Variants in SLC22A16 observed in about 807,000 individuals in gnomAD.
SLC22A16 encodes the protein WUGSC:RG331P03.1.
Under a neutral mutation model 52.9 loss-of-function variants are expected in SLC22A16, and 53 were observed. The ratio of observed to expected loss-of-function variants is 1.00; its 90% CI spans 0.80 to 1.26. The LOEUF is 1.26. SLC22A16 is among the 50% of genes most tolerant of loss of function. SLC22A16 has a pLI of 0.00. For synonymous variants in SLC22A16, 291 were observed against 268.8 expected (o/e 1.08, Z -0.81); for missense variants, 726 against 704.0 (o/e 1.03, Z -0.35).
intron 5 of SLC22A16, among the ~76,000 whole-genome samples, chr6:110,438,373 G>A (rs1014117877): frequency 6.6e-6 from 1 of 151,930 alleles, no homozygotes; most frequent in Admixed American, 6.6e-5. Flanking sequence ...CATCTAGGCT[G>A]GAGTACAGTG....
chr6:110,476,606 C>G lies in SLC22A16; in HGVS notation c.-32G>C, dbSNP rs560115204. On this transcript the variant is annotated 5_prime_UTR_variant, in exon 1 of 8. Transcript: ENST00000368919. Reference sequence around the variant, plus strand: ...GCCGTGCACTGGGCGCCGAGTTAGCCGAGCTCCGGGGACTGCGGGTAGCGC... The same window carrying G: ...GCCGTGCACTGGGCGCCGAGTTAGCGGAGCTCCGGGGACTGCGGGTAGCGC... The G allele has an allele frequency of 7.0e-5, 106 of 1,522,760 alleles. No individual in the cohort carries two copies. In the Middle Eastern group the frequency reaches 1.1e-3, roughly 16 times the overall value. 94.3% of individuals were successfully genotyped at this position (1,522,760 alleles called of 1,614,324 possible).
intron 7 of SLC22A16, 57 bp from the exon 8 acceptor site, chr6:110,425,142 G>A (rs1022332457): frequency 2.2e-5 from 35 of 1,598,396 alleles, no homozygotes; most frequent in Admixed American, 1.2e-4. Context: ...CGAACCCTTC[G>A]GAGAATAGAA....
chr6:110,456,982 T>C lies in SLC22A16; in HGVS notation c.89A>G (p.Gln30Arg). The C allele has an allele frequency of 6.4e-7, 1 of 1,560,994 alleles. No individual in the cohort carries two copies. Residue 30 changes from glutamine to arginine, a missense_variant, in exon 2 of 8, where the codon CAG becomes CGG. Coordinates refer to ENST00000368919, the MANE Select transcript of SLC22A16 (RefSeq NM_033125.4). Reference protein sequence around the residue: ...QRVLYFICAFQNISCGIHYLA... With the variant: ...QRVLYFICAFRNISCGIHYLA... The stretch of plus-strand genomic sequence containing the variant: ...GTAGTGAATACCACAAGAGATGTTC[T>C]GGAAGGCACATATGAAATAGAGGAC...
At chr6:110,451,108 T>C (rs756118805) in intron 2 of SLC22A16, among the ~76,000 whole-genome samples, 11 of 152,244 alleles carry the variant, frequency 7.2e-5, no homozygotes, top group Non-Finnish European at 1.2e-4. Context: ...ACATTATGTA[T>C]AGGAGATTCA....
chr6:110,462,910 A>C (rs1056587719), intron 1 of SLC22A16, among the ~76,000 whole-genome samples: 3 of 152,102 alleles, frequency 2.0e-5, no homozygotes, highest in African/African-American at 7.2e-5. Context: ...AAATCCTGTC[A>C]GACTAATGAG....
At chr6:110,435,171 G>A (rs1192712889) in intron 6 of SLC22A16, among the ~76,000 whole-genome samples, 1 of 152,140 alleles carries the variant, frequency 6.6e-6, no homozygotes, top group African/African-American at 2.4e-5. Flanking sequence ...CCCTCCCAAA[G>A]TTCAAGTGTT....
intron 7 of SLC22A16, among the ~76,000 whole-genome samples, chr6:110,426,928 C>T (rs903836101): frequency 1.3e-4 from 19 of 148,872 alleles, no homozygotes; most frequent in Non-Finnish European, 2.4e-4. Context: ...CCAGCCTGGG[C>T]AACAAGAGTG....
chr6:110,474,243 G>A (rs1290038606), intron 1 of SLC22A16, among the ~76,000 whole-genome samples: 1 of 152,046 alleles, frequency 6.6e-6, no homozygotes, highest in Non-Finnish European at 1.5e-5. Flanking sequence ...TGCTAAAAAG[G>A]TTAGGGACCA....
chr6:110,473,204 ACT>A (rs1043552248), intron 1 of SLC22A16, among the ~76,000 whole-genome samples: 27 of 151,870 alleles, frequency 1.8e-4, no homozygotes, highest in African/African-American at 6.3e-4. Flanking sequence ...AGCCAGAAAA[ACT>A]CTATATACTG....
chr6:110,426,929 A>G (rs3818105), intron 7 of SLC22A16, among the ~76,000 whole-genome samples: 50,549 of 150,644 alleles, frequency 0.34, 8,715 homozygotes, highest in East Asian at 0.41. Flanking sequence ...CAGCCTGGGC[A>G]ACAAGAGTGA....
At chr6:110,427,324 C>A in intron 7 of SLC22A16, among the ~76,000 whole-genome samples, 1 of 151,856 alleles carries the variant, frequency 6.6e-6, no homozygotes. Context: ...AATCTCCATA[C>A]CCACATTGCC....
Position 110,456,759 on chromosome 6 carries a change from A to G in SLC22A16, c.312T>C (p.Asn104=), listed in dbSNP as rs6907567. 386,328 of 1,613,908 alleles carry G rather than the reference A, an allele frequency of 0.24. 48,561 individuals carry two copies. Among genetic ancestry groups the G allele is most frequent in the East Asian group, 0.43 (19,241 of 44,874 alleles). ...EIWELSRCSR[N]KRENTSSLGY... is the part of the protein sequence containing the mutation. Reference sequence around the variant, plus strand: ...CCAAACTCGATGTGTTCTCCCTCTTATTCCTGCTACACCTTGAGAGCTCCC... The same window carrying G: ...CCAAACTCGATGTGTTCTCCCTCTTGTTCCTGCTACACCTTGAGAGCTCCC... The change falls in exon 2 of 8, where the codon AAT becomes AAC. Residue 104 remains asparagine, a synonymous_variant. Transcript: ENST00000368919.
intron 4 of SLC22A16, among the ~76,000 whole-genome samples, chr6:110,440,502 G>A (rs1774923204): frequency 6.6e-6 from 1 of 152,220 alleles, no homozygotes; most frequent in South Asian, 2.1e-4. Context: ...GGACGGCGGG[G>A]TGCTGTGGCT....
intron 7 of SLC22A16, among the ~76,000 whole-genome samples, chr6:110,427,902 T>C: frequency 6.6e-6 from 1 of 152,232 alleles, no homozygotes; most frequent in East Asian, 1.9e-4. Context: ...GGTGGTGATT[T>C]GCTCTCCTGC....
chr6:110,424,727 T>G lies in SLC22A16; in HGVS notation c.*146A>C. 3.2e-6 allele frequency: 3 copies of G among 924,636 alleles called. No individual in the cohort carries two copies. Among genetic ancestry groups the G allele is most frequent in the Non-Finnish European group, 4.7e-6 (3 of 632,720 alleles). 57.3% of individuals were successfully genotyped at this position (924,636 alleles called of 1,614,324 possible). A position where few individuals can be genotyped will look rare whatever the true frequency, so the allele number is the denominator to read the frequency against. On this transcript the variant is annotated 3_prime_UTR_variant, in exon 8 of 8. Transcript: ENST00000368919. ...ATTTTCATCTTAGTTTTTATTTCTT[T>G]TATAACATATTTGCTTTAAAATTTT...
rs957263218 is a variant in SLC22A16, at chr6:110,434,593, G to C, written c.1421+1259C>G. 2.2e-5 allele frequency among the ~76,000 whole-genome samples: 3 copies of C among 137,688 alleles called. No individual in the cohort carries two copies. The South Asian group carries it at 7.7e-4, about 35-fold the overall frequency. The allele number at this position is 137,688 out of a possible 152,430, so 90.3% of individuals were successfully genotyped here. ...GGAAGTCCCTGAGGTTCCCAGATCAGTGGGAATCACATCAGACATTCCCAA... is the reference window on the plus strand; with the variant it reads ...GGAAGTCCCTGAGGTTCCCAGATCACTGGGAATCACATCAGACATTCCCAA... On this transcript the variant is annotated intron_variant, in intron 6 of 7. Transcript: ENST00000368919.
chr6:110,425,439 TGGA>T (rs1774221008), intron 7 of SLC22A16: 4 of 1,306,714 alleles, frequency 3.1e-6, no homozygotes, highest in Non-Finnish European at 4.0e-6. Flanking sequence ...CAGAATCTTG[TGGA>T]GAAGACAAGT....
chr6:110,428,247 T>C (rs891511945), intron 7 of SLC22A16, among the ~76,000 whole-genome samples: 3 of 147,550 alleles, frequency 2.0e-5, no homozygotes, highest in African/African-American at 7.4e-5. Context: ...GGAAATCTGA[T>C]TTTTTTTTTG....
At chr6:110,426,225 C>T (rs1002916470) in intron 7 of SLC22A16, among the ~76,000 whole-genome samples, 6 of 152,122 alleles carry the variant, frequency 3.9e-5, no homozygotes, top group African/African-American at 1.2e-4. Flanking sequence ...TCTCAAGACA[C>T]GGCAAGTATA....
Sources: gnomAD v4.1 joint callset for allele counts (sites outside exome capture counted in the v4.1 genomes callset) on GRCh38, gnomAD v4.1.1 for gene constraint, MANE v1.5 for transcripts, NCBI Gene and HGNC (gene_info 2026-07-23, HGNC 2026-07-21) for gene names.